IL12A: variants seen among roughly 807,000 people sequenced by gnomAD.
The protein encoded by IL12A is interleukin 12A.
A neutral mutation model predicts 23.5 loss-of-function variants in IL12A; 16 were observed. The observed-to-expected ratio is 0.68, with a 90% CI of 0.46 to 1.03. The LOEUF (loss-of-function observed/expected upper bound fraction) is 1.03. Among genes scored for constraint, IL12A ranks in the 50% least tolerant of loss-of-function variants. The probability of loss-of-function intolerance (pLI) is 0.00; values close to 1 mark genes in which losing one functional copy is unlikely to be tolerated. For synonymous variants in IL12A, 106 were observed against 111.5 expected (o/e 0.95, Z 0.31); for missense variants, 275 against 307.0 (o/e 0.90, Z 0.78).
chr3:159,994,641 A>G (rs1007388754), intron 6 of IL12A, among the ~76,000 whole-genome samples: 3 of 148,870 alleles, frequency 2.0e-5, no homozygotes, highest in African/African-American at 5.0e-5. Context: ...TTCTTGTTTG[A>G]AAGGCAATGA....
rs561191616 is a variant in IL12A at position 159,993,993 on chromosome 3, G to A, written c.606+149G>A. ...TCAAGAAGACAGCCTTGAGGGTGCCGTCTATAGGGAGCACAAATGTGAGCA... is the reference window on the plus strand; with the variant it reads ...TCAAGAAGACAGCCTTGAGGGTGCCATCTATAGGGAGCACAAATGTGAGCA... On this transcript the variant is annotated intron_variant, in intron 6 of 6. Coordinates refer to ENST00000305579, the MANE Select transcript of IL12A (RefSeq NM_000882.4). 8.6e-5 allele frequency: 64 copies of A among 747,638 alleles called. No individual in the cohort carries two copies. The African/African-American group carries it at 8.6e-4, about 10-fold the overall frequency. The allele number at this position is 747,638 out of a possible 1,614,324, so 46.3% of individuals were successfully genotyped here. A position where few individuals can be genotyped will look rare whatever the true frequency, so the allele number is the denominator to read the frequency against.
intron 1 of IL12A, 115 bp downstream of exon 1, chr3:159,989,289 G>A (rs894934598): frequency 2.8e-5 from 22 of 777,874 alleles, no homozygotes; most frequent in African/African-American, 2.6e-4. Context: ...AGCAGCAGCC[G>A]TCTCCTGCAA....
At chr3:159,994,598 G>GTGTA (rs1720433205) in intron 6 of IL12A, among the ~76,000 whole-genome samples, 2 of 151,578 alleles carry the variant, frequency 1.3e-5, no homozygotes, top group African/African-American at 4.9e-5. Context: ...GTGTGTGTGT[G>GTGTA]TGTGTGTGTG....
At chr3:159,994,199 C>T (rs547098188) in intron 6 of IL12A, 1 of 193,788 alleles carries the variant, frequency 5.2e-6, no homozygotes, top group East Asian at 1.2e-4. Flanking sequence ...TCTTAAAATC[C>T]TTCAAGAGGA....
rs758221067 is a variant in IL12A at position 159,993,436 on chromosome 3, AT to A, written c.379-9del. On this transcript the variant is annotated splice_polypyrimidine_tract_variant and intron_variant, in intron 3 of 6. Coordinates refer to ENST00000305579, the MANE Select transcript of IL12A (RefSeq NM_000882.4). Reference sequence around the variant, plus strand: ...CTAAGAATTAATACTTTGATATATGATTTTTTCCCTCTAGAATGAGAGTTGC... The same window carrying A: ...CTAAGAATTAATACTTTGATATATGATTTTTCCCTCTAGAATGAGAGTTGC... The A allele has an allele frequency of 2.5e-6, 4 of 1,597,544 alleles. No individual in the cohort carries two copies. Among genetic ancestry groups the A allele is most frequent in the African/African-American group, 1.3e-5 (1 of 74,578 alleles).
intron 2 of IL12A, among the ~76,000 whole-genome samples, chr3:159,990,719 G>C (rs528540465): frequency 6.6e-6 from 1 of 152,278 alleles, no homozygotes; most frequent in Admixed American, 6.5e-5. Context: ...AGATGAAATA[G>C]CCTTGTCCCT....
intron 2 of IL12A, among the ~76,000 whole-genome samples, chr3:159,992,214 A>T (rs582054): frequency 0.59 from 89,189 of 151,934 alleles, 26,707 homozygotes; most frequent in African/African-American, 0.7. Flanking sequence ...GGGTGTCCCA[A>T]CTCTAGGAAG....
chr3:159,992,024 C>G (rs1306293116), intron 2 of IL12A, among the ~76,000 whole-genome samples: 2 of 152,152 alleles, frequency 1.3e-5, no homozygotes, highest in East Asian at 3.8e-4. Flanking sequence ...TTACCGGGTT[C>G]CAGGGATTGG....
chr3:159,990,463 GC>G (rs950205868), intron 2 of IL12A, 151 bp downstream of exon 2: 2 of 722,760 alleles, frequency 2.8e-6, no homozygotes, highest in Non-Finnish European at 4.5e-6. Context: ...TTTACAAATG[GC>G]CCAAGTGTTA....
At chr3:159,993,271 A>T in intron 3 of IL12A, 146 bp downstream of exon 3, 1 of 728,596 alleles carries the variant, frequency 1.4e-6, no homozygotes, top group Non-Finnish European at 2.3e-6. Flanking sequence ...TGGGAGAAAA[A>T]TTATTTTTAA....
chr3:159,994,507 C>T (rs1039560381), intron 6 of IL12A, among the ~76,000 whole-genome samples: 12 of 151,650 alleles, frequency 7.9e-5, no homozygotes, highest in South Asian at 6.3e-4. Context: ...GCTTTGGTGA[C>T]GAGGACATGG....
At chr3:159,992,925 C>A in intron 2 of IL12A, 87 bp from the exon 3 acceptor site, 3 of 725,160 alleles carry the variant, frequency 4.1e-6, no homozygotes, top group Non-Finnish European at 7.0e-6. Flanking sequence ...CAGCCGGAGC[C>A]TTCCTGGCAC....
At position 159,995,417 on chromosome 3, in the gene IL12A, A is replaced by G. The variant is rs774591542; in HGVS notation, c.620A>G (p.Asn207Ser). 8.1e-6 allele frequency: 13 copies of G among 1,599,372 alleles called. No homozygotes were observed. Among genetic ancestry groups the G allele is most frequent in the Non-Finnish European group, 1.0e-5 (12 of 1,174,736 alleles). ...TCATTCTCCTAGGCCCTGAATTTCA[A>G]CAGTGAGACTGTGCCACAAAAATCC... Residue 207 changes from asparagine (N) to serine (S), a missense_variant, in exon 7 of 7, where the codon AAC becomes AGC. By Grantham distance (46) the Asn-to-Ser change is conservative (BLOSUM62 1). Coordinates refer to ENST00000305579, the MANE Select transcript of IL12A (RefSeq NM_000882.4).
chr3:159,995,596 A>G lies in IL12A; in HGVS notation c.*37A>G. Reference sequence around the variant, plus strand: ...CCTCCAAACCGTTGTCATTTTTATAAAACTTTGAAATGAGGAAACTTTGAT... The same window carrying G: ...CCTCCAAACCGTTGTCATTTTTATAGAACTTTGAAATGAGGAAACTTTGAT... On this transcript the variant is annotated 3_prime_UTR_variant, in exon 7 of 7. Coordinates refer to ENST00000305579, the MANE Select transcript of IL12A (RefSeq NM_000882.4). The G allele has an allele frequency of 1.3e-6, 2 of 1,505,874 alleles. No homozygotes were observed. The highest frequency in any genetic ancestry group is 1.8e-6 in the Non-Finnish European group (2 of 1,123,190). 93.3% of individuals were successfully genotyped at this position (1,505,874 alleles called of 1,614,324 possible).
At position 159,989,067 on chromosome 3, in the gene IL12A, C is replaced by A; in HGVS notation, c.11C>A (p.Pro4His). Residue 4 changes from proline to histidine, a missense_variant, in exon 1 of 7, where the codon CCT becomes CAT. Pro to His is a moderately conservative substitution (Grantham distance 77). It adds an upstream start codon to the 5' untranslated region. Coordinates refer to ENST00000305579, the MANE Select transcript of IL12A (RefSeq NM_000882.4). ...GGGACAATTATAAAAATGTGGCCCC[C>A]TGGGTCAGCCTCCCAGCCACCGCCC... is the stretch of plus-strand genomic sequence containing the variant. The A allele has an allele frequency of 6.2e-7, 1 of 1,613,406 alleles. No homozygotes were observed. The highest frequency in any genetic ancestry group is 8.5e-7 in the Non-Finnish European group (1 of 1,179,770).
intron 1 of IL12A, 44 bp downstream of exon 1, chr3:159,989,218 A>C: frequency 6.7e-7 from 1 of 1,501,572 alleles, no homozygotes; most frequent in Non-Finnish European, 9.2e-7. Flanking sequence ...TCGGGTGCGG[A>C]GGGGCGGCTG....
At chr3:159,989,382 T>G (rs1423948140) in intron 1 of IL12A, 8 of 571,242 alleles carry the variant, frequency 1.4e-5, no homozygotes, top group Non-Finnish European at 2.5e-5. Context: ...GAGCTATCAT[T>G]ATGCCCACTT....
chr3:159,992,440 T>C (rs1299226294), intron 2 of IL12A, among the ~76,000 whole-genome samples: 1 of 152,230 alleles, frequency 6.6e-6, no homozygotes, highest in Non-Finnish European at 1.5e-5. Flanking sequence ...GATCGTAATC[T>C]TCAATCATAC....
chr3:159,989,444 A>G (rs1720223529), intron 1 of IL12A, among the ~76,000 whole-genome samples: 1 of 152,132 alleles, frequency 6.6e-6, no homozygotes, highest in African/African-American at 2.4e-5. Context: ...TTTCCTGCCT[A>G]GGGTCCCTCA....
Sources: allele counts gnomAD v4.1 joint callset (sites outside exome capture counted in the v4.1 genomes callset), GRCh38; gene constraint gnomAD v4.1.1; transcripts MANE v1.5; gene names NCBI Gene and HGNC (gene_info 2026-07-23, HGNC 2026-07-21).